SMAP1: variants seen among roughly 807,000 people sequenced by gnomAD.
SMAP1 encodes the protein stromal membrane-associated protein 1.
SMAP1 carries 24 observed loss-of-function variants against 58.5 expected under a neutral mutation model. That is an observed-to-expected ratio of 0.41 (90% CI 0.30 to 0.58). The LOEUF (loss-of-function observed/expected upper bound fraction) is 0.58. SMAP1 is among the 20% of genes least tolerant of loss of function. The pLI, the probability that SMAP1 is intolerant of heterozygous loss-of-function variation, is 0.29. For missense variants in SMAP1, 563 were observed against 566.3 expected (o/e 0.99, Z 0.06); for synonymous variants, 216 against 196.6 (o/e 1.10, Z -0.82).
chr6:70,731,454 A>G (rs1316540528), intron 1 of SMAP1, among the ~76,000 whole-genome samples: 1 of 152,226 alleles, frequency 6.6e-6, no homozygotes. Flanking sequence ...ATTATATGTT[A>G]CTGAAACAAA....
At chr6:70,668,234 C>T in intron 1 of SMAP1, 93 bp downstream of exon 1, 2 of 1,192,364 alleles carry the variant, frequency 1.7e-6, no homozygotes, top group Non-Finnish European at 2.4e-6. Context: ...GCGGACGCCT[C>T]GGCTTCGCTG....
intron 5 of SMAP1, among the ~76,000 whole-genome samples, chr6:70,793,820 C>T (rs370550635): frequency 6.6e-5 from 10 of 152,004 alleles, no homozygotes; most frequent in African/African-American, 1.2e-4. Flanking sequence ...CTGCAACCTC[C>T]GCCTCCCGGG....
chr6:70,855,656 A>G (rs1451170664), intron 8 of SMAP1, among the ~76,000 whole-genome samples: 3 of 152,206 alleles, frequency 2.0e-5, no homozygotes, highest in African/African-American at 7.2e-5. Context: ...GCTTATCCCA[A>G]GTTTATAGGA....
At chr6:70,727,688 C>T (rs1765241289) in intron 1 of SMAP1, among the ~76,000 whole-genome samples, 1 of 152,058 alleles carries the variant, frequency 6.6e-6, no homozygotes, top group East Asian at 1.9e-4. Flanking sequence ...ATTCTTTAAC[C>T]CGTCTTAGAA....
At chr6:70,860,071 ACT>A (rs1178181985) in intron 10 of SMAP1, 127 bp from the exon 11 acceptor site, 3 of 1,006,086 alleles carry the variant, frequency 3.0e-6, no homozygotes, top group South Asian at 2.1e-5. Context: ...TTTGTATGGT[ACT>A]CTGTTTTTAT....
At chr6:70,788,776 G>T (rs1192880820) in intron 4 of SMAP1, among the ~76,000 whole-genome samples, 4 of 152,174 alleles carry the variant, frequency 2.6e-5, no homozygotes, top group African/African-American at 9.7e-5. Flanking sequence ...TGACACTTGT[G>T]GCCTGATTAA....
chr6:70,703,179 C>T (rs143913004), intron 1 of SMAP1, among the ~76,000 whole-genome samples: 242 of 152,120 alleles, frequency 1.6e-3, no homozygotes, highest in Middle Eastern at 6.8e-3. Flanking sequence ...TGGGCTCAAG[C>T]GATTCTCCTG....
intron 4 of SMAP1, among the ~76,000 whole-genome samples, 200 bp from the exon 5 acceptor site, chr6:70,791,489 C>T (rs773475108): frequency 7.9e-5 from 12 of 152,026 alleles, no homozygotes; most frequent in African/African-American, 2.7e-4. Context: ...TTATTCAGTA[C>T]GAAATCCTTT....
At chr6:70,701,012 A>C (rs896240996) in intron 1 of SMAP1, among the ~76,000 whole-genome samples, 1 of 152,130 alleles carries the variant, frequency 6.6e-6, no homozygotes, top group Non-Finnish European at 1.5e-5. Context: ...CCAAGTTGCA[A>C]GGCAAAGTCG....
intron 2 of SMAP1, among the ~76,000 whole-genome samples, chr6:70,754,683 G>T (rs186690108): frequency 2.6e-5 from 4 of 152,144 alleles, no homozygotes; most frequent in Admixed American, 2.6e-4. Context: ...AACTATGAGG[G>T]AATTCACTGT....
intron 3 of SMAP1, among the ~76,000 whole-genome samples, chr6:70,772,115 G>C (rs1767350170): frequency 6.6e-6 from 1 of 152,190 alleles, no homozygotes; most frequent in South Asian, 2.1e-4. Flanking sequence ...ATGAGATGAA[G>C]CTTGAGTACC....
intron 1 of SMAP1, among the ~76,000 whole-genome samples, chr6:70,731,565 A>G (rs1034832422): frequency 1.3e-5 from 2 of 152,242 alleles, no homozygotes; most frequent in Non-Finnish European, 2.9e-5. Context: ...CCTTACCACC[A>G]GTTACCTGCC....
chr6:70,669,120 T>C (rs1766159346), intron 1 of SMAP1, among the ~76,000 whole-genome samples: 1 of 152,232 alleles, frequency 6.6e-6, no homozygotes, highest in African/African-American at 2.4e-5. Context: ...TTCTTTTTTT[T>C]TTAAAGAAAT....
chr6:70,790,174 T>C (rs1768282054), intron 4 of SMAP1, among the ~76,000 whole-genome samples: 1 of 152,198 alleles, frequency 6.6e-6, no homozygotes, highest in East Asian at 1.9e-4. Context: ...GGAGTCTCGC[T>C]CTGTCTCCGA....
intron 6 of SMAP1, among the ~76,000 whole-genome samples, chr6:70,828,560 A>G (rs1267175312): frequency 6.6e-6 from 1 of 152,202 alleles, no homozygotes; most frequent in Non-Finnish European, 1.5e-5. Context: ...TATGCACAAC[A>G]TACTTCTCCA....
chr6:70,755,733 A>G (rs935662156), intron 3 of SMAP1, among the ~76,000 whole-genome samples: 3 of 151,978 alleles, frequency 2.0e-5, no homozygotes, highest in African/African-American at 7.2e-5. Flanking sequence ...TGGAAAGTAT[A>G]TGCTGTTTAT....
chr6:70,713,534 C>T (rs766463442), intron 1 of SMAP1, among the ~76,000 whole-genome samples: 2 of 152,030 alleles, frequency 1.3e-5, no homozygotes, highest in African/African-American at 2.4e-5. Context: ...TTCAATAGTG[C>T]GTTATTTAGT....
intron 6 of SMAP1, among the ~76,000 whole-genome samples, chr6:70,803,513 T>A (rs1562172602): frequency 6.6e-6 from 1 of 152,234 alleles, no homozygotes; most frequent in Non-Finnish European, 1.5e-5. Context: ...GCTCTGATCT[T>A]AGTTATTTCT....
At position 70,857,972 on chromosome 6, in the gene SMAP1, G is replaced by GC; in HGVS notation, c.1013dup (p.Phe339IlefsTer70). The GC allele has an allele frequency of 1.9e-6, 3 of 1,614,142 alleles. No homozygotes were observed. The highest frequency in any genetic ancestry group is 2.5e-6 in the Non-Finnish European group (3 of 1,180,000). The stretch of plus-strand genomic sequence containing the variant: ...ACCATTTACCTCACAAGCACCAGCT[G>GC]CATTTCAGGGCTTTCCATCGATGGG... On this transcript the variant is annotated frameshift_variant, in exon 10 of 11. Transcript: ENST00000370455. LOFTEE classifies it high-confidence loss of function.
Sources: gnomAD v4.1 joint callset for allele counts (sites outside exome capture counted in the v4.1 genomes callset) on GRCh38, gnomAD v4.1.1 for gene constraint, MANE v1.5 for transcripts, NCBI Gene and HGNC (gene_info 2026-07-23, HGNC 2026-07-21) for gene names.